DLG2: variants seen among roughly 807,000 people sequenced by gnomAD.
The protein encoded by DLG2 is disks large homolog 2.
A neutral mutation model predicts 132.5 loss-of-function variants in DLG2; 45 were observed. The observed-to-expected ratio is 0.34, with a 90% CI of 0.27 to 0.44. DLG2 has a LOEUF of 0.44. DLG2 is among the 20% of genes least tolerant of loss of function. The pLI is 1.00. For synonymous variants in DLG2, 424 were observed against 419.6 expected, an observed-to-expected ratio of 1.01 and a Z score of -0.13; for missense variants, 1,045 against 1,196.9, an observed-to-expected ratio of 0.87 and a Z score of 1.87.
chr11:84,162,304 G>A (rs1209558295), intron 9 of DLG2, among the ~76,000 whole-genome samples: 1 of 151,850 alleles, frequency 6.6e-6, no homozygotes, highest in Non-Finnish European at 1.5e-5. Flanking sequence ...CAGGCTTTAT[G>A]AGTGTATTTA....
At chr11:84,262,643 T>G (rs1339613074) in intron 7 of DLG2, among the ~76,000 whole-genome samples, 5 of 152,134 alleles carry the variant, frequency 3.3e-5, no homozygotes, top group African/African-American at 1.2e-4. Flanking sequence ...CAGTATACAC[T>G]GCACCATATT....
intron 7 of DLG2, among the ~76,000 whole-genome samples, chr11:84,346,807 A>C (rs148396605): frequency 8.5e-4 from 129 of 151,874 alleles, no homozygotes; most frequent in African/African-American, 2.9e-3. Flanking sequence ...CAATCTCCTG[A>C]CCTCGTGATC....
chr11:84,108,651 A>T (rs1213845805), intron 9 of DLG2, among the ~76,000 whole-genome samples: 1 of 152,132 alleles, frequency 6.6e-6, no homozygotes, highest in African/African-American at 2.4e-5. Flanking sequence ...AGAAGGTAGC[A>T]GGGGGTCAGA....
intron 18 of DLG2, among the ~76,000 whole-genome samples, chr11:83,637,500 T>G (rs2065157766): frequency 6.6e-6 from 1 of 152,104 alleles, no homozygotes; most frequent in Non-Finnish European, 1.5e-5. Context: ...GAAACAGAGG[T>G]TCAGAGAGGT....
intron 19 of DLG2, among the ~76,000 whole-genome samples, chr11:83,547,823 T>C (rs574263670): frequency 3.3e-5 from 5 of 152,288 alleles, no homozygotes; most frequent in African/African-American, 1.2e-4. Context: ...ATATCAACTT[T>C]GGTACTGGAA....
intron 6 of DLG2, among the ~76,000 whole-genome samples, chr11:84,710,532 T>G (rs984983826): frequency 6.6e-6 from 1 of 151,872 alleles, no homozygotes. Flanking sequence ...ACTTATAAAA[T>G]AATATCATTA....
At chr11:83,584,874 G>C (rs2097055025) in intron 19 of DLG2, among the ~76,000 whole-genome samples, 1 of 152,190 alleles carries the variant, frequency 6.6e-6, no homozygotes, top group Non-Finnish European at 1.5e-5. Context: ...TCAACTGTAG[G>C]TGCTGGGCAC....
chr11:85,399,392 G>T (rs1406985339), intron 3 of DLG2, among the ~76,000 whole-genome samples: 1 of 152,112 alleles, frequency 6.6e-6, no homozygotes, highest in African/African-American at 2.4e-5. Flanking sequence ...TCCCCATCAA[G>T]CTACCAATGA....
chr11:84,798,113 G>A (rs1313049156), intron 6 of DLG2, among the ~76,000 whole-genome samples: 2 of 152,056 alleles, frequency 1.3e-5, no homozygotes, highest in Admixed American at 1.3e-4. Flanking sequence ...AACTGCCCTG[G>A]GTCAGATCTG....
At chr11:84,071,371 C>T (rs12098942) in intron 10 of DLG2, among the ~76,000 whole-genome samples, 3,688 of 152,134 alleles carry the variant, frequency 0.024, 140 homozygotes, top group African/African-American at 0.084. Flanking sequence ...TCCCAAAGTG[C>T]TGGGATTACA....
At chr11:84,588,781 T>G (rs2099535781) in intron 6 of DLG2, among the ~76,000 whole-genome samples, 1 of 114,814 alleles carries the variant, frequency 8.7e-6, no homozygotes. Flanking sequence ...CTAGCATATG[T>G]GAAAAAAAAA....
At chr11:84,799,814 C>T (rs1040933880) in intron 6 of DLG2, among the ~76,000 whole-genome samples, 3 of 152,188 alleles carry the variant, frequency 2.0e-5, no homozygotes, top group African/African-American at 4.8e-5. Context: ...TTCCCACCCT[C>T]CTGCTTTCTA....
At chr11:85,601,842 T>G (rs1001464605) in intron 2 of DLG2, among the ~76,000 whole-genome samples, 1 of 152,180 alleles carries the variant, frequency 6.6e-6, no homozygotes, top group Non-Finnish European at 1.5e-5. Context: ...GCTTAAGATG[T>G]TTAGAATACC....
intron 3 of DLG2, among the ~76,000 whole-genome samples, chr11:85,419,908 A>G (rs2090158147): frequency 6.6e-6 from 1 of 152,086 alleles, no homozygotes; most frequent in African/African-American, 2.4e-5. Context: ...GTTTGTTATT[A>G]CCCACATTCT....
At chr11:85,290,877 A>C (rs1032920573) in intron 3 of DLG2, among the ~76,000 whole-genome samples, 1 of 152,100 alleles carries the variant, frequency 6.6e-6, no homozygotes. Context: ...GTCAAACAGC[A>C]TGTTGAAGGA....
intron 16 of DLG2, among the ~76,000 whole-genome samples, chr11:83,851,736 T>C (rs942502253): frequency 6.7e-6 from 1 of 148,206 alleles, no homozygotes. Flanking sequence ...CCTGGCCAAA[T>C]TGGTAAAACC....
At chr11:85,037,843 C>A (rs2061543894) in intron 6 of DLG2, among the ~76,000 whole-genome samples, 1 of 152,118 alleles carries the variant, frequency 6.6e-6, no homozygotes, top group Admixed American at 6.6e-5. Context: ...ACAGATTGTA[C>A]ATCTCTGTAT....
At chr11:85,412,760 C>CACACACACACACACACATATATATATAT (rs756868795) in intron 3 of DLG2, among the ~76,000 whole-genome samples, 1 of 113,244 alleles carries the variant, frequency 8.8e-6, no homozygotes, top group Non-Finnish European at 1.8e-5. Context: ...CACACACACA[C>CACACACACACACACACATATATATATAT]ATATATATAT....
At chr11:85,396,435 G>A (rs1471399279) in intron 3 of DLG2, among the ~76,000 whole-genome samples, 1 of 152,114 alleles carries the variant, frequency 6.6e-6, no homozygotes, top group Non-Finnish European at 1.5e-5. Flanking sequence ...GTTTGAAGAG[G>A]TGACAGAACT....
Sources: gnomAD v4.1 joint callset for allele counts (sites outside exome capture counted in the v4.1 genomes callset) on GRCh38, gnomAD v4.1.1 for gene constraint, MANE v1.5 for transcripts, NCBI Gene and HGNC (gene_info 2026-07-23, HGNC 2026-07-21) for gene names.